NUCB2: variants seen among roughly 807,000 people sequenced by gnomAD.
NUCB2 encodes nucleobindin 2.
Under a neutral mutation model 57.9 loss-of-function variants are expected in NUCB2, and 48 were observed. The observed-to-expected ratio is 0.83, with a 90% CI of 0.66 to 1.05. The LOEUF (loss-of-function observed/expected upper bound fraction) is 1.05. NUCB2 is among the 50% of genes least tolerant of loss of function. The pLI, the probability that NUCB2 is intolerant of heterozygous loss-of-function variation, is 0.00. For synonymous variants in NUCB2, 139 were observed against 152.1 expected (o/e 0.91, Z 0.64); for missense variants, 442 against 476.2 (o/e 0.93, Z 0.67).
chr11:17,311,355 TTTC>T, intron 8 of NUCB2, 72 bp downstream of exon 8: 1 of 1,143,632 alleles, frequency 8.7e-7, no homozygotes, highest in South Asian at 1.4e-5. Flanking sequence ...TCTTAATTGA[TTTC>T]TGCCAAGGTC....
At chr11:17,306,821 A>C (rs758316377) in intron 5 of NUCB2, among the ~76,000 whole-genome samples, 6 of 151,862 alleles carry the variant, frequency 4.0e-5, no homozygotes, top group Non-Finnish European at 8.8e-5. Context: ...CTGAAGAAGG[A>C]GAATCGCTTG....
intron 2 of NUCB2, among the ~76,000 whole-genome samples, chr11:17,290,293 CCAA>C (rs1277117391): frequency 6.6e-6 from 1 of 152,184 alleles, no homozygotes; most frequent in Non-Finnish European, 1.5e-5. Context: ...ATGACAAGCA[CCAA>C]CAATGCAAAA....
chr11:17,301,237 T>C (rs1946676536), intron 4 of NUCB2, among the ~76,000 whole-genome samples: 1 of 149,796 alleles, frequency 6.7e-6, no homozygotes. Context: ...TCTCCCAAAG[T>C]GCTGGGATTA....
chr11:17,317,638 C>T (rs1311662390), intron 11 of NUCB2: 2 of 372,484 alleles, frequency 5.4e-6, no homozygotes, highest in Non-Finnish European at 1.1e-5. Flanking sequence ...TACAATGTCC[C>T]TTGAATACCA....
At chr11:17,337,095 C>T (rs1410518293), downstream of NUCB2, among the ~76,000 whole-genome samples, 1 of 151,806 alleles carries the variant, frequency 6.6e-6, no homozygotes, top group Non-Finnish European at 1.5e-5. Flanking sequence ...TGTGTGCTTC[C>T]ATGCCCGGCT....
rs541807051 is a variant in NUCB2 at position 17,331,006 on chromosome 11, T to G, written c.1255+23T>G. 3.3e-5 allele frequency: 47 copies of G among 1,432,498 alleles called. 1 individual carries two copies. In the Admixed American group the frequency reaches 7.9e-4, roughly 24 times the overall value. The allele number at this position is 1,432,498 out of a possible 1,614,324, so 88.7% of individuals were successfully genotyped here. A position where few individuals can be genotyped will look rare whatever the true frequency, so the allele number is the denominator to read the frequency against. On this transcript the variant is annotated intron_variant, in intron 13 of 13. Coordinates refer to ENST00000529010, the MANE Select transcript of NUCB2 (RefSeq NM_005013.4). Reference sequence around the variant, plus strand: ...CACGTGTGTAATTTTGTTTGATTATTTATTTAGGAAAATAAATTATTTTAT... The same window carrying G: ...CACGTGTGTAATTTTGTTTGATTATGTATTTAGGAAAATAAATTATTTTAT...
At chr11:17,317,242 A>ATG in intron 11 of NUCB2, among the ~76,000 whole-genome samples, 1 of 152,130 alleles carries the variant, frequency 6.6e-6, no homozygotes, top group Non-Finnish European at 1.5e-5. Context: ...TTTAATCTCT[A>ATG]TGTGTGTGTA....
chr11:17,321,821 T>C (rs1284935976), intron 11 of NUCB2, among the ~76,000 whole-genome samples: 1 of 152,168 alleles, frequency 6.6e-6, no homozygotes, highest in Non-Finnish European at 1.5e-5. Context: ...TATCTCATTG[T>C]AGTTTTGTGT....
intron 11 of NUCB2, among the ~76,000 whole-genome samples, chr11:17,316,543 G>A (rs971391094): frequency 2.5e-4 from 38 of 151,888 alleles, no homozygotes; most frequent in African/African-American, 9.0e-4. Flanking sequence ...CACATTTTTG[G>A]GCAATCTATA....
chr11:17,314,532 C>CT (rs1334700082), intron 10 of NUCB2, among the ~76,000 whole-genome samples: 1 of 152,094 alleles, frequency 6.6e-6, no homozygotes, highest in South Asian at 2.1e-4. Flanking sequence ...CTTAATATTT[C>CT]TTTTTTCTGG....
intron 5 of NUCB2, among the ~76,000 whole-genome samples, chr11:17,309,129 T>C (rs1039191794): frequency 6.6e-6 from 1 of 151,842 alleles, no homozygotes; most frequent in Non-Finnish European, 1.5e-5. Flanking sequence ...GCCTGGGCAA[T>C]ATAGTGAGAC....
At chr11:17,288,552 C>CTTCTTTTTTTTTT (rs1375589442) in intron 2 of NUCB2, among the ~76,000 whole-genome samples, 2,201 of 100,960 alleles carry the variant, frequency 0.022, 193 homozygotes, top group African/African-American at 0.091. Flanking sequence ...TCTTCTTCTT[C>CTTCTTTTTTTTTT]TTTTTTTTTT....
rs1021169963 is a variant in NUCB2 at position 17,330,688 on chromosome 11, C to T, written c.1174-214C>T. 6.6e-6 allele frequency among the ~76,000 whole-genome samples: 1 copy of T among 152,118 alleles called. No individual in the cohort carries two copies. Among genetic ancestry groups the T allele is most frequent in the Non-Finnish European group, 1.5e-5 (1 of 68,024 alleles). ...CTCATTGTGTTGCCGAGGCTGGTCT[C>T]GAACTCCTGGCCTTAAGTGATCTTC... On this transcript the variant is annotated intron_variant, in intron 12 of 13. Coordinates refer to ENST00000529010, the MANE Select transcript of NUCB2 (RefSeq NM_005013.4). The surrounding 1 kb of genome is among the most constrained non-coding windows in gnomAD (Gnocchi z 4.3).
At position 17,288,882 on chromosome 11, in the gene NUCB2, T is replaced by TACACACACACAC. The variant is rs1167995024; in HGVS notation, c.-1+5997_-1+6008dup. 4.9e-3 allele frequency among the ~76,000 whole-genome samples: 218 copies of TACACACACACAC among 44,596 alleles called. 7 individuals are homozygous for TACACACACACAC. Among genetic ancestry groups the TACACACACACAC allele is most frequent in the Non-Finnish European group, 6.4e-3 (158 of 24,854 alleles). The allele number at this position is 44,596 out of a possible 152,430, so 29.3% of individuals were successfully genotyped here. On this transcript the variant is annotated intron_variant, in intron 2 of 13. Transcript: ENST00000529010. ...TAAAGTCTATTTAATAACATGTATA[T>TACACACACACAC]ACACACACACACACACACACACACA...
intron 2 of NUCB2, among the ~76,000 whole-genome samples, chr11:17,285,927 G>A (rs185215721): frequency 4.4e-5 from 6 of 136,238 alleles, no homozygotes; most frequent in South Asian, 2.3e-4. Flanking sequence ...ATGCGCGCAC[G>A]TGTGCGTACA....
chr11:17,329,007 T>G (rs1247743498), intron 11 of NUCB2, among the ~76,000 whole-genome samples: 3 of 152,086 alleles, frequency 2.0e-5, no homozygotes, highest in Admixed American at 1.3e-4. Flanking sequence ...ACTTAGCAAG[T>G]GATGAAGCCT....
intron 2 of NUCB2, among the ~76,000 whole-genome samples, chr11:17,343,199 A>G (rs1271886112): frequency 5.9e-5 from 9 of 151,808 alleles, no homozygotes; most frequent in Non-Finnish European, 7.4e-5. Flanking sequence ...TTTTGAGCCT[A>G]TGTGTGTCTC....
rs1254164452 is a variant in NUCB2 at position 17,310,896 on chromosome 11, A to G, written c.555A>G (p.Glu185=). Residue 185 remains glutamate, a synonymous_variant, in exon 7 of 14, where the codon GAA becomes GAG. Coordinates refer to ENST00000529010, the MANE Select transcript of NUCB2 (RefSeq NM_005013.4). The part of the protein sequence containing the change: ...EEFKKYEMMK[E]HERREYLKTL... ...TTAAAAAATATGAAATGATGAAGGA[A>G]CATGAAAGGAGAGAATATTTAAAAA... is the stretch of plus-strand genomic sequence containing the variant. 1 of 1,596,690 alleles carries G rather than the reference A, an allele frequency of 6.3e-7. No homozygotes were observed. The highest frequency in any genetic ancestry group is 8.5e-7 in the Non-Finnish European group (1 of 1,173,698).
At chr11:17,321,817 A>T (rs1170549715) in intron 11 of NUCB2, among the ~76,000 whole-genome samples, 2 of 151,814 alleles carry the variant, frequency 1.3e-5, no homozygotes, top group Non-Finnish European at 2.9e-5. Context: ...ATGGTATCTC[A>T]TTGTAGTTTT....
Sources: allele counts gnomAD v4.1 joint callset (sites outside exome capture counted in the v4.1 genomes callset), GRCh38; gene constraint gnomAD v4.1.1; non-coding constraint Gnocchi (gnomAD v3.1); transcripts MANE v1.5; gene names NCBI Gene and HGNC (gene_info 2026-07-23, HGNC 2026-07-21).